KTN1: variants seen among roughly 807,000 people sequenced by gnomAD.
The protein encoded by KTN1 is kinectin 1, also known as kinectin.
Under a neutral mutation model 222.5 loss-of-function variants are expected in KTN1, and 130 were observed. That is an observed-to-expected ratio of 0.58 (90% CI 0.51 to 0.68). The LOEUF (loss-of-function observed/expected upper bound fraction) is 0.68, where lower values mean the gene tolerates loss of function less well. Ranked by LOEUF, KTN1 falls within the 30% of genes least tolerant of loss-of-function variation. The pLI is 0.00. For synonymous variants in KTN1, 512 were observed against 496.3 expected, an observed-to-expected ratio of 1.03 and a Z score of -0.42; for missense variants, 1,508 against 1,500.4, an observed-to-expected ratio of 1.01 and a Z score of -0.08.
At position 55,634,727 on chromosome 14, in the gene KTN1, G is replaced by A. The variant is rs755688118; in HGVS notation, c.1461+69G>A. On this transcript the variant is annotated intron_variant, in intron 9 of 43. Transcript: ENST00000395314. ...GGCGTATTAGTTCGTTTTCATACTGGTATGAAGAACTGCCCGAGACTGGGT... is the reference window on the plus strand; with the variant it reads ...GGCGTATTAGTTCGTTTTCATACTGATATGAAGAACTGCCCGAGACTGGGT... 53 of 1,385,960 alleles carry A rather than the reference G, an allele frequency of 3.8e-5. No individual in the cohort carries two copies. In the African/African-American group the frequency reaches 7.2e-4, roughly 19 times the overall value. The allele number at this position is 1,385,960 out of a possible 1,614,324, so 85.9% of individuals were successfully genotyped here.
chr14:55,670,848 G>GA (rs780209919), intron 35 of KTN1, 39 bp downstream of exon 35: 82 of 1,329,474 alleles, frequency 6.2e-5, no homozygotes, highest in Admixed American at 1.5e-4. Context: ...TTTAAACATA[G>GA]AAAAAAGAAG....
intron 13 of KTN1, 140 bp downstream of exon 13, chr14:55,639,362 CTTTTT>C (rs369782699): frequency 8.0e-5 from 28 of 351,028 alleles, no homozygotes; most frequent in Non-Finnish European, 1.2e-4. Context: ...GCAACTTTTG[CTTTTT>C]TTTTTTTTTT....
At chr14:55,606,444 G>C (rs2036734668) in intron 1 of KTN1, among the ~76,000 whole-genome samples, 1 of 151,878 alleles carries the variant, frequency 6.6e-6, no homozygotes, top group South Asian at 2.1e-4. Context: ...TTAAGTTTTT[G>C]CTAATGGTTT....
chr14:55,630,152 A>C, intron 7 of KTN1, 55 bp downstream of exon 7: 2 of 1,519,492 alleles, frequency 1.3e-6, no homozygotes, highest in Non-Finnish European at 1.8e-6. Flanking sequence ...CTTTATTAGC[A>C]AACTTTTAAG....
At chr14:55,589,564 C>A (rs2033702524) in intron 1 of KTN1, among the ~76,000 whole-genome samples, 1 of 152,066 alleles carries the variant, frequency 6.6e-6, no homozygotes, top group African/African-American at 2.4e-5. Context: ...CCTGCCTTAG[C>A]CTCCCAAAGT....
At position 55,684,339 on chromosome 14, in the gene KTN1, A is replaced by G. The variant is rs942602613; in HGVS notation, c.*236A>G. On this transcript the variant is annotated 3_prime_UTR_variant, in exon 44 of 44. Transcript: ENST00000395314. ...AAACTGTTTGAATAATTAGACCTTTACATTCCTGAAGATAAACATGTAATC... is the reference window on the plus strand; with the variant it reads ...AAACTGTTTGAATAATTAGACCTTTGCATTCCTGAAGATAAACATGTAATC... The G allele has an allele frequency of 2.6e-6, 1 of 383,294 alleles. No individual in the cohort carries two copies. The highest frequency in any genetic ancestry group is 2.1e-5 in the African/African-American group (1 of 48,096). The allele number at this position is 383,294 out of a possible 1,614,324, so 23.7% of individuals were successfully genotyped here.
At chr14:55,600,946 C>G (rs2140463601) in intron 1 of KTN1, among the ~76,000 whole-genome samples, 1 of 152,046 alleles carries the variant, frequency 6.6e-6, no homozygotes, top group South Asian at 2.1e-4. Flanking sequence ...TGAGCAGTGC[C>G]TTTTCCTGAG....
At chr14:55,648,780 T>A (rs1249098953) in intron 20 of KTN1, 22 bp from the exon 21 acceptor site, 2 of 1,505,984 alleles carry the variant, frequency 1.3e-6, no homozygotes, top group Non-Finnish European at 1.8e-6. Flanking sequence ...AATCATGTTT[T>A]GCTTATGTGT....
Position 55,639,316 on chromosome 14 carries a change from C to T in KTN1, c.1823+94C>T, listed in dbSNP as rs1595022567. 37 of 436,288 alleles carry T rather than the reference C, an allele frequency of 8.5e-5. No individual in the cohort carries two copies. The East Asian group carries it at 1.5e-3, about 18-fold the overall frequency. The allele number at this position is 436,288 out of a possible 1,614,324, so 27.0% of individuals were successfully genotyped here. On this transcript the variant is annotated intron_variant, in intron 13 of 43. Coordinates refer to ENST00000395314, the MANE Select transcript of KTN1 (RefSeq NM_001079521.2). ...CTTATGATTAACTTTATACCTCTGA[C>T]GACCTGTTCAGAAAATACTCTGAAC... is the stretch of plus-strand genomic sequence containing the variant.
intron 37 of KTN1, 120 bp downstream of exon 37, chr14:55,671,997 A>G: frequency 1.5e-6 from 1 of 646,640 alleles, no homozygotes; most frequent in Non-Finnish European, 2.8e-6. Flanking sequence ...CAAAACATGT[A>G]TGTGGGGTGG....
intron 3 of KTN1, 80 bp downstream of exon 3, chr14:55,616,734 C>A: frequency 9.0e-7 from 1 of 1,113,908 alleles, no homozygotes; most frequent in South Asian, 1.6e-5. Flanking sequence ...ATCTCACACG[C>A]TCTTTAGCTC....
In KTN1 at chr14:55,602,755, A is replaced by G. The variant is rs116509772; in HGVS notation, c.-30-9264A>G. On this transcript the variant is annotated intron_variant, in intron 1 of 43. Coordinates refer to ENST00000395314, the MANE Select transcript of KTN1 (RefSeq NM_001079521.2). Reference sequence around the variant, plus strand: ...TGCCACCACGTCTAGCTAATTTTTTATTGTTTGTAGAGACAGGGTTCTGCT... The same window carrying G: ...TGCCACCACGTCTAGCTAATTTTTTGTTGTTTGTAGAGACAGGGTTCTGCT... Among the ~76,000 whole-genome samples the G allele has an allele frequency of 2.5e-3, 376 of 151,936 alleles. 3 individuals carry two copies. Among genetic ancestry groups the G allele is most frequent in the African/African-American group, 8.8e-3 (364 of 41,436 alleles).
At chr14:55,606,641 G>T (rs2036770036) in intron 1 of KTN1, among the ~76,000 whole-genome samples, 1 of 152,000 alleles carries the variant, frequency 6.6e-6, no homozygotes, top group South Asian at 2.1e-4. Context: ...AAATTTAATA[G>T]TATACTTATC....
At chr14:55,598,161 C>T (rs538450446) in intron 1 of KTN1, among the ~76,000 whole-genome samples, 1 of 152,116 alleles carries the variant, frequency 6.6e-6, no homozygotes, top group African/African-American at 2.4e-5. Context: ...CTCGGCAGGG[C>T]GCGGTGGCTC....
chr14:55,609,831 C>G (rs993410419), intron 1 of KTN1, among the ~76,000 whole-genome samples: 1 of 150,574 alleles, frequency 6.6e-6, no homozygotes, highest in East Asian at 1.9e-4. Context: ...TTTTCTCCCT[C>G]GACTGCCCAG....
At chr14:55,664,353 T>A (rs921014878) in intron 33 of KTN1, among the ~76,000 whole-genome samples, 5 of 152,152 alleles carry the variant, frequency 3.3e-5, no homozygotes, top group African/African-American at 4.8e-5. Flanking sequence ...ATAACTTTCA[T>A]GAAAACTTTG....
Position 55,648,093 on chromosome 14 carries a change from C to T in KTN1, c.2276C>T (p.Ala759Val), listed in dbSNP as rs1310150933. The part of the protein sequence containing the change: ...ELLETGLIQV[A>V]TKEEELNAIR... Reference sequence around the variant, plus strand: ...CTTGAAACTGGACTTATTCAGGTGGCAACTAAAGAAGAGGAGCTGAATGTA... The same window carrying T: ...CTTGAAACTGGACTTATTCAGGTGGTAACTAAAGAAGAGGAGCTGAATGTA... The change falls in exon 20 of 44, where the codon GCA (alanine) becomes GTA (valine). Residue 759 changes from alanine to valine, a missense_variant. By Grantham distance (64) the Ala-to-Val change is moderately conservative. Transcript: ENST00000395314. 3 of 1,561,112 alleles carry T rather than the reference C, an allele frequency of 1.9e-6. No homozygotes were observed. The Admixed American group carries it at 5.7e-5, about 29-fold the overall frequency.
chr14:55,625,833 G>A (rs78429067), intron 5 of KTN1, among the ~76,000 whole-genome samples: 9,176 of 152,122 alleles, frequency 0.06, 383 homozygotes, highest in South Asian at 0.09. Context: ...GCTGGTAGAG[G>A]TCTGACGCCA....
Position 55,649,800 on chromosome 14 carries a change from G to T in KTN1, c.2392G>T (p.Glu798Ter). Residue 798 changes from glutamate to a stop codon, truncating the protein, a stop_gained, in exon 22 of 44, where the codon GAA (glutamate) becomes TAA (stop). Coordinates refer to ENST00000395314, the MANE Select transcript of KTN1 (RefSeq NM_001079521.2). LOFTEE classifies it high-confidence loss of function. Reference sequence around the variant, plus strand: ...GGTTTCTTTTGCCTCTCTAGTTGAAGAACTTAAGAAAGTGTAAGTGATAAC... The same window carrying T: ...GGTTTCTTTTGCCTCTCTAGTTGAATAACTTAAGAAAGTGTAAGTGATAAC... ...DQVSFASLVE[E>*]LKKVIHEKDG... 1.3e-6 allele frequency: 2 copies of T among 1,522,032 alleles called. No homozygotes were observed. The highest frequency in any genetic ancestry group is 1.8e-6 in the Non-Finnish European group (2 of 1,110,396). 94.3% of individuals were successfully genotyped at this position (1,522,032 alleles called of 1,614,324 possible).
Sources: gnomAD v4.1 joint callset for allele counts (sites outside exome capture counted in the v4.1 genomes callset) on GRCh38, gnomAD v4.1.1 for gene constraint, MANE v1.5 for transcripts, NCBI Gene and HGNC (gene_info 2026-07-23, HGNC 2026-07-21) for gene names.